DLG2: variants seen among roughly 807,000 people sequenced by gnomAD.
DLG2 encodes discs large MAGUK scaffold protein 2, also known as disks large homolog 2.
DLG2 carries 45 observed loss-of-function variants against 132.5 expected under a neutral mutation model. The ratio of observed to expected loss-of-function variants is 0.34; its 90% CI spans 0.27 to 0.44. DLG2 has a LOEUF of 0.44. Ranked by LOEUF, DLG2 falls within the 20% of genes least tolerant of loss-of-function variation. DLG2 has a pLI of 1.00. For synonymous variants in DLG2, 424 were observed against 419.6 expected (o/e 1.01, Z -0.13); for missense variants, 1,045 against 1,196.9 (o/e 0.87, Z 1.87).
intron 19 of DLG2, among the ~76,000 whole-genome samples, chr11:83,550,639 C>A (rs516344): frequency 0.63 from 96,091 of 152,014 alleles, 30,538 homozygotes; most frequent in African/African-American, 0.68. Context: ...ATCTTAAAAT[C>A]ATTTTCCTTT....
intron 11 of DLG2, among the ~76,000 whole-genome samples, chr11:84,031,246 A>G (rs914597453): frequency 6.6e-5 from 10 of 152,134 alleles, no homozygotes; most frequent in African/African-American, 2.4e-4. Context: ...AAAAAAAAAA[A>G]AAATGAATAT....
chr11:83,801,352 T>G (rs903778477), intron 17 of DLG2, among the ~76,000 whole-genome samples: 5 of 152,136 alleles, frequency 3.3e-5, no homozygotes. Flanking sequence ...GATCTCAAAC[T>G]CTGTATCAGA....
At chr11:84,969,074 C>CA (rs375526999) in intron 6 of DLG2, among the ~76,000 whole-genome samples, 12,790 of 111,570 alleles carry the variant, frequency 0.11, 661 homozygotes, top group Middle Eastern at 0.16. Flanking sequence ...TCTTCACTTG[C>CA]AAAAAAAAAA....
At chr11:84,075,652 G>A (rs1343396862) in intron 10 of DLG2, among the ~76,000 whole-genome samples, 1 of 152,172 alleles carries the variant, frequency 6.6e-6, no homozygotes, top group Non-Finnish European at 1.5e-5. Context: ...GATAATGCTA[G>A]ATTGCCTGGA....
At chr11:85,449,181 T>G (rs2092134681) in intron 3 of DLG2, among the ~76,000 whole-genome samples, 1 of 152,140 alleles carries the variant, frequency 6.6e-6, no homozygotes, top group South Asian at 2.1e-4. Context: ...GTTAGAATTT[T>G]TATGCTTCCT....
At chr11:83,586,291 GA>G (rs2097084889) in intron 19 of DLG2, among the ~76,000 whole-genome samples, 1 of 152,224 alleles carries the variant, frequency 6.6e-6, no homozygotes. Flanking sequence ...AACATAGGGA[GA>G]ATCTTTTTGT....
intron 19 of DLG2, among the ~76,000 whole-genome samples, chr11:83,591,057 G>C (rs923562745): frequency 2.0e-5 from 3 of 152,184 alleles, no homozygotes; most frequent in Non-Finnish European, 4.4e-5. Context: ...AATTCTATCA[G>C]AGGTACAAGG....
intron 3 of DLG2, among the ~76,000 whole-genome samples, chr11:85,301,454 A>G (rs553455045): frequency 6.6e-6 from 1 of 152,322 alleles, no homozygotes; most frequent in South Asian, 2.1e-4. Context: ...CAAAAGACAG[A>G]GGCATAAAAT....
In DLG2 at chr11:84,746,094, G is replaced by A. The variant is rs550061605; in HGVS notation, c.358-211363C>T. 9.2e-5 allele frequency among the ~76,000 whole-genome samples: 14 copies of A among 152,134 alleles called. No homozygotes were observed. The South Asian group carries it at 1.7e-3, about 18-fold the overall frequency. ...TTTCTACTCTCAGGGAGCTTAGACCGTGTGTGAGATAGGCAAAAAGCAGAC... is the reference window on the plus strand; with the variant it reads ...TTTCTACTCTCAGGGAGCTTAGACCATGTGTGAGATAGGCAAAAAGCAGAC... On this transcript the variant is annotated intron_variant, in intron 6 of 27. Transcript: ENST00000376104.
rs1296170970 is a variant in DLG2, at chr11:85,563,419, T to TA, written c.40+35237dup. Among the ~76,000 whole-genome samples the TA allele has an allele frequency of 9.9e-3, 1,437 of 144,440 alleles. 25 individuals are homozygous for TA. The highest frequency in any genetic ancestry group is 0.032 in the African/African-American group (1,260 of 39,870). The allele number at this position is 144,440 out of a possible 152,430, so 94.8% of individuals were successfully genotyped here. A position where few individuals can be genotyped will look rare whatever the true frequency, so the allele number is the denominator to read the frequency against. On this transcript the variant is annotated intron_variant, in intron 3 of 27. Coordinates refer to ENST00000376104, the MANE Select transcript of DLG2 (RefSeq NM_001142699.3). Reference sequence around the variant, plus strand: ...AATGTCCATTAGTAAATGAGTGGATTAAAAAAAAAAAAGTTCCTTTGTGCC... The same window carrying TA: ...AATGTCCATTAGTAAATGAGTGGATTAAAAAAAAAAAAAGTTCCTTTGTGCC...
chr11:83,835,423 C>A (rs1195838203), intron 16 of DLG2, among the ~76,000 whole-genome samples: 1 of 151,992 alleles, frequency 6.6e-6, no homozygotes, highest in Non-Finnish European at 1.5e-5. Flanking sequence ...GAGAAGGTGA[C>A]ATTTTAGAAA....
chr11:85,190,616 G>C (rs1274984402), intron 4 of DLG2, among the ~76,000 whole-genome samples: 1 of 152,046 alleles, frequency 6.6e-6, no homozygotes, highest in Non-Finnish European at 1.5e-5. Flanking sequence ...TAGATTGCTA[G>C]CTAGATTAAT....
intron 16 of DLG2, among the ~76,000 whole-genome samples, chr11:83,857,594 A>G (rs906821952): frequency 6.6e-6 from 1 of 152,208 alleles, no homozygotes; most frequent in African/African-American, 2.4e-5. Context: ...GTATGACACC[A>G]TAATTCCAGA....
intron 3 of DLG2, among the ~76,000 whole-genome samples, chr11:85,487,042 T>TAA (rs1225708413): frequency 7.2e-4 from 95 of 132,738 alleles, no homozygotes; most frequent in African/African-American, 2.5e-3. Context: ...GTGTGCTGAT[T>TAA]AAAAAAAAAA....
At chr11:84,207,079 C>CTATATA (rs553787844) in intron 8 of DLG2, among the ~76,000 whole-genome samples, 1,184 of 99,356 alleles carry the variant, frequency 0.012, 13 homozygotes, top group African/African-American at 0.032. Context: ...CTCTCTCTCT[C>CTATATA]TCTATATATA....
Position 85,526,470 on chromosome 11 carries a change from G to A in DLG2, c.40+72187C>T, listed in dbSNP as rs141894726. Among the ~76,000 whole-genome samples, 15 of 152,114 alleles carry A rather than the reference G, an allele frequency of 9.9e-5. 1 individual carries two copies. The East Asian group carries it at 2.9e-3, about 29-fold the overall frequency. ...TCTTTCAAAAATGAACACAAAATAG[G>A]ACATTGAAATGCTGAAAGAATTCAT... On this transcript the variant is annotated intron_variant, in intron 3 of 27. Coordinates refer to ENST00000376104, the MANE Select transcript of DLG2 (RefSeq NM_001142699.3).
At chr11:83,465,818 A>G (rs1172002679) in intron 26 of DLG2, among the ~76,000 whole-genome samples, 1 of 152,168 alleles carries the variant, frequency 6.6e-6, no homozygotes, top group Non-Finnish European at 1.5e-5. Flanking sequence ...AGGTCAAGCA[A>G]TTTGCCCAAG....
At chr11:84,031,956 T>C (rs756763278) in intron 11 of DLG2, among the ~76,000 whole-genome samples, 4 of 152,168 alleles carry the variant, frequency 2.6e-5, no homozygotes, top group Non-Finnish European at 5.9e-5. Context: ...TCAGTGGTCA[T>C]TGATGTTACT....
intron 7 of DLG2, among the ~76,000 whole-genome samples, chr11:84,254,065 A>G (rs937982427): frequency 1.3e-5 from 2 of 152,096 alleles, no homozygotes; most frequent in Non-Finnish European, 2.9e-5. Flanking sequence ...CATCTCTCCT[A>G]TGCTTTCTGT....
Sources: gnomAD v4.1 joint callset for allele counts (sites outside exome capture counted in the v4.1 genomes callset) on GRCh38, gnomAD v4.1.1 for gene constraint, MANE v1.5 for transcripts, NCBI Gene and HGNC (gene_info 2026-07-23, HGNC 2026-07-21) for gene names.